Variants in BRI3 observed in about 807,000 individuals in gnomAD.
BRI3 encodes membrane protein BRI3.
BRI3 carries 6 observed loss-of-function variants against 12.8 expected under a neutral mutation model. That is an observed-to-expected ratio of 0.47 (90% CI 0.26 to 0.93). The LOEUF (loss-of-function observed/expected upper bound fraction) is 0.93. BRI3 is among the 40% of genes least tolerant of loss of function. The probability of loss-of-function intolerance (pLI) is 0.15; values close to 1 mark genes in which losing one functional copy is unlikely to be tolerated. For synonymous variants in BRI3, 91 were observed against 76.1 expected, an observed-to-expected ratio of 1.20 and a Z score of -1.02; for missense variants, 134 against 171.1, an observed-to-expected ratio of 0.78 and a Z score of 1.21.
At chr7:98,320,157 C>T in the BRI3 span, 1 of 1,598,334 alleles carries the variant, frequency 6.3e-7, no homozygotes, top group Non-Finnish European at 8.6e-7. Context: ...TAAATTCATA[C>T]CAGGTTTGAG....
chr7:98,310,258 C>T (rs74724405), exon 2 of BRI3: 10 of 556,980 alleles, frequency 1.8e-5, no homozygotes, highest in East Asian at 1.3e-4. Flanking sequence ...CTTATCAGAG[C>T]GTCTCACAGT....
chr7:98,296,900 C>T (rs1395348724), downstream of BRI3, among the ~76,000 whole-genome samples: 2 of 152,202 alleles, frequency 1.3e-5, no homozygotes, highest in Admixed American at 1.3e-4. Flanking sequence ...GTCTCAACCG[C>T]ATACCTCACA....
Position 98,291,204 on chromosome 7 carries a change from G to A in BRI3, c.339G>A (p.Arg113=). 6.2e-7 allele frequency: 1 copy of A among 1,613,832 alleles called. No homozygotes were observed. Among genetic ancestry groups the A allele is most frequent in the Non-Finnish European group, 8.5e-7 (1 of 1,180,050 alleles). The change falls in exon 3 of 3, where the codon AGG becomes AGA. Residue 113 remains arginine (R), a synonymous_variant. Coordinates refer to ENST00000297290, the MANE Select transcript of BRI3 (RefSeq NM_015379.5). The part of the protein sequence containing the change: ...PFGFICCFAL[R]KRRCPNCGAT... ...GGTTCATTTGCTGTTTTGCCTTGAG[G>A]AAGCGACGATGCCCCAACTGTGGAG...
chr7:98,320,376 C>T, the BRI3 span: 1 of 1,178,684 alleles, frequency 8.5e-7, no homozygotes, highest in Admixed American at 2.2e-5. Flanking sequence ...TGCTCTGTCG[C>T]CCAGGCTGGA....
At chr7:98,289,488 T>TC (rs1192745237) in intron 2 of BRI3, among the ~76,000 whole-genome samples, 8 of 152,186 alleles carry the variant, frequency 5.3e-5, no homozygotes, top group African/African-American at 1.7e-4. Flanking sequence ...CCAAGTTTTC[T>TC]CCCCTTAGCA....
At chr7:98,299,136 C>T (rs1800310299) in intron 1 of BRI3, among the ~76,000 whole-genome samples, 1 of 152,168 alleles carries the variant, frequency 6.6e-6, no homozygotes, top group Admixed American at 6.5e-5. Flanking sequence ...CTGCCTCAGC[C>T]TCCCGAGTAG....
intron 2 of BRI3, among the ~76,000 whole-genome samples, chr7:98,290,731 T>A (rs1259608118): frequency 6.9e-6 from 1 of 145,954 alleles, no homozygotes; most frequent in East Asian, 2.1e-4. Flanking sequence ...ACTCCTGAAC[T>A]CAGGTGATCC....
chr7:98,290,181 GTTTTTTTTTT>G (rs1180326213), intron 2 of BRI3, among the ~76,000 whole-genome samples: 54 of 102,542 alleles, frequency 5.3e-4, no homozygotes, highest in Non-Finnish European at 8.3e-4. Flanking sequence ...TCTCAAGGTT[GTTTTTTTTTT>G]TTTTTTTTTT....
intron 2 of BRI3, among the ~76,000 whole-genome samples, chr7:98,288,952 A>G (rs961946783): frequency 2.0e-5 from 3 of 151,788 alleles, no homozygotes; most frequent in Non-Finnish European, 4.4e-5. Flanking sequence ...GTGGGCATGA[A>G]GTTTTTTTCT....
downstream of BRI3, among the ~76,000 whole-genome samples, chr7:98,295,179 A>C (rs1800136767): frequency 6.6e-6 from 1 of 152,202 alleles, no homozygotes; most frequent in Non-Finnish European, 1.5e-5. Flanking sequence ...CCGTTCCTGG[A>C]CATGGAGGCC....
downstream of BRI3, among the ~76,000 whole-genome samples, chr7:98,295,714 A>T (rs1800161685): frequency 6.6e-6 from 1 of 152,024 alleles, no homozygotes; most frequent in Admixed American, 6.6e-5. Context: ...AGCTTATGCT[A>T]GGGGAAGGCG....
chr7:98,289,083 G>T (rs761243817), intron 2 of BRI3, among the ~76,000 whole-genome samples: 14 of 151,988 alleles, frequency 9.2e-5, no homozygotes, highest in Non-Finnish European at 1.6e-4. Flanking sequence ...TCAGCTTCCC[G>T]AGTAGCTGGG....
chr7:98,314,355 T>C (rs1414492632), downstream of BRI3, among the ~76,000 whole-genome samples: 1 of 152,122 alleles, frequency 6.6e-6, no homozygotes, highest in Non-Finnish European at 1.5e-5. Flanking sequence ...CCAAAGTATT[T>C]TTCCTTTAAA....
downstream of BRI3, chr7:98,293,528 A>G (rs772784086): frequency 1.5e-5 from 25 of 1,613,288 alleles, no homozygotes; most frequent in Non-Finnish European, 1.9e-5. Flanking sequence ...CTCTCATCGA[A>G]TGATGGGTGC....
chr7:98,295,007 G>T (rs1411311060), downstream of BRI3, among the ~76,000 whole-genome samples: 2 of 152,332 alleles, frequency 1.3e-5, no homozygotes, highest in East Asian at 3.9e-4. Flanking sequence ...CCCAGGAGAG[G>T]GCAGTGTAAC....
In BRI3 at chr7:98,281,944, C is replaced by A; in HGVS notation, c.142+7C>A. 1 of 1,303,426 alleles carries A rather than the reference C, an allele frequency of 7.7e-7. No individual in the cohort carries two copies. The highest frequency in any genetic ancestry group is 2.3e-5 in the South Asian group (1 of 44,296). The allele number at this position is 1,303,426 out of a possible 1,614,324, so 80.7% of individuals were successfully genotyped here. A position where few individuals can be genotyped will look rare whatever the true frequency, so the allele number is the denominator to read the frequency against. On this transcript the variant is annotated splice_region_variant and intron_variant, in intron 1 of 2. Transcript: ENST00000297290. ...TACCCCTACCTCGTCACAGGTGGGC[C>A]CGTAACCAACTTTCCCCGCCGGCGG...
downstream of BRI3, among the ~76,000 whole-genome samples, chr7:98,314,416 T>C (rs559417925): frequency 6.6e-5 from 10 of 152,308 alleles, no homozygotes; most frequent in South Asian, 2.1e-3. Flanking sequence ...TTCTCCTATA[T>C]TGGAACACTC....
downstream of BRI3, chr7:98,292,758 ACTAG>A (rs1294708829): frequency 1.3e-6 from 2 of 1,550,410 alleles, no homozygotes; most frequent in Non-Finnish European, 1.7e-6. Context: ...GCTTTGGCCA[ACTAG>A]CTGAGTGAGA....
downstream of BRI3, among the ~76,000 whole-genome samples, chr7:98,293,830 C>A (rs1463801631): frequency 6.6e-6 from 1 of 152,216 alleles, no homozygotes; most frequent in African/African-American, 2.4e-5. Context: ...ACGTGGGCAC[C>A]CACACCTCTT....
Sources: allele counts gnomAD v4.1 joint callset (sites outside exome capture counted in the v4.1 genomes callset), GRCh38; gene constraint gnomAD v4.1.1; transcripts MANE v1.5; gene names NCBI Gene and HGNC (gene_info 2026-07-23, HGNC 2026-07-21).